The following HNF4G variants were observed in gnomAD, a reference collection of about 807,000 sequenced individuals.
The protein encoded by HNF4G is hepatocyte nuclear factor 4-gamma.
A neutral mutation model predicts 50.9 loss-of-function variants in HNF4G; 21 were observed. The ratio of observed to expected loss-of-function variants is 0.41; its 90% CI spans 0.29 to 0.59. The LOEUF is 0.59. Among genes scored for constraint, HNF4G ranks in the 20% least tolerant of loss-of-function variants. HNF4G has a pLI of 0.26. For synonymous variants in HNF4G, 198 were observed against 185.6 expected (o/e 1.07, Z -0.54); for missense variants, 527 against 559.4 (o/e 0.94, Z 0.58).
chr8:75,547,257 C>T (rs1186498796), intron 2 of HNF4G, among the ~76,000 whole-genome samples: 1 of 152,182 alleles, frequency 6.6e-6, no homozygotes, highest in Non-Finnish European at 1.5e-5. Context: ...ATACTGAAAT[C>T]ATTTAGCAAT....
At chr8:75,458,262 C>T (rs777811958) in intron 1 of HNF4G, among the ~76,000 whole-genome samples, 4 of 151,522 alleles carry the variant, frequency 2.6e-5, no homozygotes, top group Non-Finnish European at 4.4e-5. Flanking sequence ...TTAAATACCC[C>T]GTCTTGGATT....
At chr8:75,491,567 T>G (rs937776623) in intron 2 of HNF4G, among the ~76,000 whole-genome samples, 3 of 151,884 alleles carry the variant, frequency 2.0e-5, no homozygotes, top group African/African-American at 7.3e-5. Context: ...CTCTGCCTCC[T>G]GGGGATTCAA....
intron 1 of HNF4G, among the ~76,000 whole-genome samples, chr8:75,451,080 A>G (rs1327162865): frequency 6.6e-6 from 1 of 152,230 alleles, no homozygotes; most frequent in African/African-American, 2.4e-5. Flanking sequence ...GACTGAGACA[A>G]TTAGTAATGT....
rs773295576 is a variant in HNF4G at position 75,564,120 on chromosome 8, A to G, written c.*24A>G. 1 of 1,611,466 alleles carries G rather than the reference A, an allele frequency of 6.2e-7. No individual in the cohort carries two copies. The highest frequency in any genetic ancestry group is 8.5e-7 in the Non-Finnish European group (1 of 1,178,558). On this transcript the variant is annotated 3_prime_UTR_variant, in exon 10 of 10. Coordinates refer to ENST00000396423, the MANE Select transcript of HNF4G (RefSeq NM_004133.5). ...GAAAATGTGTTTACTTCAGAACGGC[A>G]CTACATAAATGTGAAAAGTTGTTGA...
At chr8:75,547,958 C>T (rs759269434) in intron 3 of HNF4G, among the ~76,000 whole-genome samples, 1 of 151,556 alleles carries the variant, frequency 6.6e-6, no homozygotes, top group Admixed American at 6.6e-5. Flanking sequence ...AAATGGTATA[C>T]CAATATTCTG....
chr8:75,501,454 T>C (rs1008955146), intron 2 of HNF4G, among the ~76,000 whole-genome samples: 1 of 152,024 alleles, frequency 6.6e-6, no homozygotes, highest in Non-Finnish European at 1.5e-5. Flanking sequence ...TAACAAAATG[T>C]TTGGTAACAT....
intron 2 of HNF4G, among the ~76,000 whole-genome samples, chr8:75,501,604 G>A (rs891897964): frequency 2.6e-5 from 4 of 151,960 alleles, no homozygotes; most frequent in African/African-American, 9.7e-5. Context: ...GTAGACATTT[G>A]GTTCGCATTC....
At chr8:75,523,182 G>A (rs1026960170) in intron 2 of HNF4G, among the ~76,000 whole-genome samples, 1 of 151,758 alleles carries the variant, frequency 6.6e-6, no homozygotes, top group Non-Finnish European at 1.5e-5. Context: ...CCGAGATCGC[G>A]CCACTGCACT....
chr8:75,498,132 T>G (rs188703789), intron 2 of HNF4G, among the ~76,000 whole-genome samples: 3 of 152,198 alleles, frequency 2.0e-5, no homozygotes, highest in Admixed American at 2.0e-4. Flanking sequence ...ATAAATCAAA[T>G]TTCTCTAAAT....
intron 1 of HNF4G, among the ~76,000 whole-genome samples, chr8:75,468,054 C>T (rs1009554672): frequency 6.6e-6 from 1 of 152,092 alleles, no homozygotes. Context: ...ATGTTCCATA[C>T]AAATAATTAT....
intron 2 of HNF4G, among the ~76,000 whole-genome samples, chr8:75,546,305 C>G (rs140832440): frequency 6.6e-6 from 1 of 152,010 alleles, no homozygotes; most frequent in Admixed American, 6.6e-5. Context: ...ACTTAACACC[C>G]CCAAGTTCTG....
intron 1 of HNF4G, among the ~76,000 whole-genome samples, chr8:75,434,148 C>T (rs966632390): frequency 2.1e-4 from 32 of 151,420 alleles, no homozygotes; most frequent in African/African-American, 6.8e-4. Flanking sequence ...GGATTATAGG[C>T]GCCTGCCACC....
intron 2 of HNF4G, among the ~76,000 whole-genome samples, chr8:75,496,967 A>C (rs1247377564): frequency 6.6e-6 from 1 of 152,114 alleles, no homozygotes; most frequent in Admixed American, 6.5e-5. Context: ...CAAAATGCAA[A>C]TTTTGTTGCA....
At chr8:75,554,147 G>A (rs1175803470) in intron 5 of HNF4G, among the ~76,000 whole-genome samples, 2 of 152,042 alleles carry the variant, frequency 1.3e-5, no homozygotes, top group Admixed American at 1.3e-4. Context: ...CTGCCTTCCT[G>A]GTGTGAGTCA....
upstream of HNF4G, chr8:75,539,850 C>T: frequency 1.6e-6 from 1 of 621,806 alleles, no homozygotes; most frequent in Non-Finnish European, 2.9e-6. Flanking sequence ...TCTTAAGTCA[C>T]TCAGTTACAG....
chr8:75,458,949 G>A (rs1281765140), intron 1 of HNF4G, among the ~76,000 whole-genome samples: 2 of 151,984 alleles, frequency 1.3e-5, no homozygotes, highest in Non-Finnish European at 2.9e-5. Context: ...GGTCAGTAAT[G>A]GTCTTTATCT....
intron 1 of HNF4G, among the ~76,000 whole-genome samples, chr8:75,412,143 T>C (rs1810516775): frequency 6.6e-6 from 1 of 152,344 alleles, no homozygotes; most frequent in Admixed American, 6.5e-5. Flanking sequence ...CCAAGCCCTC[T>C]AATAGGCCTT....
chr8:75,504,783 A>C (rs1043671350), intron 2 of HNF4G, among the ~76,000 whole-genome samples: 3 of 152,214 alleles, frequency 2.0e-5, no homozygotes, highest in African/African-American at 7.2e-5. Context: ...TATTAGGATA[A>C]TTTCATTACA....
chr8:75,535,787 G>C (rs1463526279), upstream of HNF4G, among the ~76,000 whole-genome samples: 2 of 151,714 alleles, frequency 1.3e-5, no homozygotes, highest in Non-Finnish European at 3.0e-5. Context: ...CGCTGTGTAA[G>C]AATGATTAAA....
Sources: allele counts gnomAD v4.1 joint callset (sites outside exome capture counted in the v4.1 genomes callset), GRCh38; gene constraint gnomAD v4.1.1; transcripts MANE v1.5; gene names NCBI Gene and HGNC (gene_info 2026-07-23, HGNC 2026-07-21).